Variants in PPP2R3A observed in about 807,000 individuals in gnomAD.
PPP2R3A encodes the protein serine/threonine-protein phosphatase 2A regulatory subunit B'' subunit alpha.
A neutral mutation model predicts 106.9 loss-of-function variants in PPP2R3A; 80 were observed. The observed-to-expected ratio is 0.75, with a 90% confidence interval of 0.62 to 0.90. The LOEUF is 0.90. Among genes scored for constraint, PPP2R3A ranks in the 40% least tolerant of loss-of-function variants. The pLI is 0.00. For synonymous variants in PPP2R3A, 483 were observed against 468.3 expected, an observed-to-expected ratio of 1.03 and a Z score of -0.41; for missense variants, 1,386 against 1,350.4, an observed-to-expected ratio of 1.03 and a Z score of -0.41.
intron 3 of PPP2R3A, 82 bp downstream of exon 3, chr3:136,027,180 C>T: frequency 8.1e-7 from 1 of 1,237,834 alleles, no homozygotes; most frequent in South Asian, 1.5e-5. Flanking sequence ...ACCCGGATCC[C>T]ACCCCCCTTC....
Position 135,971,806 on chromosome 3 carries a change from T to TAA in PPP2R3A, c.-441+5957_-441+5958insAA, listed in dbSNP as rs572021218. On this transcript the variant is annotated intron_variant, in intron 1 of 13. Transcript: ENST00000264977. The stretch of plus-strand genomic sequence containing the variant: ...TGTGGGAATTCCATCATCACAAATA[T>TAA]GGTTAGGTACTATGCCTGGCTGGCA... Among the ~76,000 whole-genome samples the TAA allele has an allele frequency of 2.0e-5, 3 of 152,276 alleles. No individual in the cohort carries two copies. In the South Asian group the frequency reaches 6.2e-4, roughly 32 times the overall value.
intron 5 of PPP2R3A, chr3:136,055,424 A>G (rs1935828481): frequency 1.6e-5 from 17 of 1,039,676 alleles, no homozygotes; most frequent in South Asian, 2.5e-5. Flanking sequence ...CCGAGGTGCC[A>G]TAATGCAAAT....
chr3:136,012,139 C>T (rs544501805), intron 2 of PPP2R3A, among the ~76,000 whole-genome samples: 3 of 151,970 alleles, frequency 2.0e-5, no homozygotes, highest in Admixed American at 6.6e-5. Context: ...TATTTATAGG[C>T]CAAAAATGAA....
chr3:136,145,004 C>CAT (rs567978110), intron 13 of PPP2R3A, 39 bp from the exon 14 acceptor site: 1 of 1,590,762 alleles, frequency 6.3e-7, no homozygotes, highest in African/African-American at 1.4e-5. Flanking sequence ...AAACTTTAAT[C>CAT]AATCAATCAG....
At chr3:136,064,828 C>T (rs964539459) in intron 5 of PPP2R3A, among the ~76,000 whole-genome samples, 2 of 152,118 alleles carry the variant, frequency 1.3e-5, no homozygotes, top group Admixed American at 1.3e-4. Flanking sequence ...ATACGTTCCT[C>T]ATAGATTGCC....
intron 1 of PPP2R3A, among the ~76,000 whole-genome samples, chr3:135,973,708 C>T (rs1937311408): frequency 6.6e-6 from 1 of 152,170 alleles, no homozygotes. Flanking sequence ...ATGTTTCACT[C>T]TATCAGCTTT....
rs552964585 is a variant in PPP2R3A at position 136,003,246 on chromosome 3, T to C, written c.1748T>C (p.Ile583Thr). Reference protein sequence around the residue: ...TRIIETNGHKIEEEDRALLLR... With the variant: ...TRIIETNGHKTEEEDRALLLR... ...ATTATTGAAACCAATGGACACAAAA[T>C]AGAGGAAGAGGATCGAGCCCTCTTA... The change falls in exon 2 of 14, where the codon ATA (isoleucine) becomes ACA (threonine). Residue 583 changes from isoleucine (I) to threonine (T), a missense_variant. Physicochemically the swap from Ile to Thr is moderately conservative, Grantham distance 89. Transcript: ENST00000264977. The C allele has an allele frequency of 8.7e-6, 14 of 1,613,772 alleles. No individual in the cohort carries two copies. The African/African-American group carries it at 1.3e-4, about 15-fold the overall frequency.
At chr3:135,971,150 T>C (rs539026509) in intron 1 of PPP2R3A, among the ~76,000 whole-genome samples, 1 of 152,312 alleles carries the variant, frequency 6.6e-6, no homozygotes, top group South Asian at 2.1e-4. Context: ...TAACTTGATA[T>C]TATAGCTTAA....
At position 136,030,778 on chromosome 3, in the gene PPP2R3A, A is replaced by ATATATGTATG. The variant is rs1206335696; in HGVS notation, c.2262+3683_2262+3684insATGTATGTAT. ...TTCCATCACATATATATATATATAT[A>ATATATGTATG]TATGTATGTATGTATGTATGTATGT... On this transcript the variant is annotated intron_variant, in intron 3 of 13. Coordinates refer to ENST00000264977, the MANE Select transcript of PPP2R3A (RefSeq NM_002718.5). Among the ~76,000 whole-genome samples the ATATATGTATG allele has an allele frequency of 5.5e-3, 607 of 111,268 alleles. 6 individuals are homozygous for ATATATGTATG. The highest frequency in any genetic ancestry group is 1.0e-2 in the Non-Finnish European group (510 of 51,178). The allele number at this position is 111,268 out of a possible 152,430, so 73.0% of individuals were successfully genotyped here.
intron 3 of PPP2R3A, 36 bp from the exon 4 acceptor site, chr3:136,040,823 C>T: frequency 1.3e-6 from 2 of 1,521,972 alleles, no homozygotes; most frequent in Non-Finnish European, 1.8e-6. Context: ...TCTTCATTCC[C>T]TGTTGGCTTA....
At chr3:136,138,833 T>A (rs1938736171) in intron 13 of PPP2R3A, among the ~76,000 whole-genome samples, 1 of 144,902 alleles carries the variant, frequency 6.9e-6, no homozygotes, top group Admixed American at 7.3e-5. Flanking sequence ...TGCCTCAGCC[T>A]CCCGAGTAGC....
At position 136,002,692 on chromosome 3, in the gene PPP2R3A, A is replaced by G. The variant is rs138535130; in HGVS notation, c.1194A>G (p.Leu398=). ...CTGTCCAGGTCCAATCACAGTCATT[A>G]ACCATGAATCCTTTAGAAAATGTTT... The part of the protein sequence containing the change: ...LKAVQVQSQS[L]TMNPLENVSS... Residue 398 remains leucine, a synonymous_variant, in exon 2 of 14, where the codon TTA becomes TTG. Coordinates refer to ENST00000264977, the MANE Select transcript of PPP2R3A (RefSeq NM_002718.5). 6.3e-5 allele frequency: 102 copies of G among 1,613,320 alleles called. No homozygotes were observed. The African/African-American group carries it at 1.3e-3, about 21-fold the overall frequency.
chr3:136,136,876 C>T (rs1938642722), intron 13 of PPP2R3A, among the ~76,000 whole-genome samples: 1 of 152,176 alleles, frequency 6.6e-6, no homozygotes, highest in Non-Finnish European at 1.5e-5. Context: ...TAAGTAACCT[C>T]GTAATCACTG....
At chr3:136,041,927 C>T (rs888199097) in intron 4 of PPP2R3A, among the ~76,000 whole-genome samples, 16 of 152,094 alleles carry the variant, frequency 1.1e-4, no homozygotes, top group Admixed American at 2.0e-4. Context: ...AGCTAAGTAT[C>T]ACAGCTTGCC....
At position 136,087,891 on chromosome 3, in the gene PPP2R3A, A is replaced by G; in HGVS notation, c.2797A>G (p.Ser933Gly). The G allele has an allele frequency of 3.1e-6, 5 of 1,610,270 alleles. No individual in the cohort carries two copies. Among genetic ancestry groups the G allele is most frequent in the Non-Finnish European group, 4.2e-6 (5 of 1,177,282 alleles). Residue 933 changes from serine to glycine, a missense_variant, in exon 9 of 14, where the codon AGC (serine) becomes GGC (glycine). Transcript: ENST00000264977. ...LSRYNDQASS[S>G]RIIERIFSGA... ...TTTTTATCTACATTTAGCTTCATCAAGCAGGATTATTGAAAGGATATTCTC... is the reference window on the plus strand; with the variant it reads ...TTTTTATCTACATTTAGCTTCATCAGGCAGGATTATTGAAAGGATATTCTC...
chr3:136,093,266 AGGCACAGC>A (rs916449305), intron 10 of PPP2R3A, among the ~76,000 whole-genome samples: 9 of 152,148 alleles, frequency 5.9e-5, no homozygotes, highest in Non-Finnish European at 1.3e-4. Context: ...AAATGTAACC[AGGCACAGC>A]GGCACGCGCC....
chr3:136,080,535 C>A (rs990935377), intron 7 of PPP2R3A, among the ~76,000 whole-genome samples: 3 of 152,162 alleles, frequency 2.0e-5, no homozygotes, highest in African/African-American at 7.2e-5. Flanking sequence ...AATAATAGCG[C>A]TTTGCTTCTA....
chr3:136,143,566 G>T (rs1292165964), intron 13 of PPP2R3A, among the ~76,000 whole-genome samples: 1 of 152,098 alleles, frequency 6.6e-6, no homozygotes, highest in Non-Finnish European at 1.5e-5. Context: ...GAGACAGGTG[G>T]ATCACTTGAG....
Position 136,145,261 on chromosome 3 carries a change from T to G in PPP2R3A, c.*95T>G. On this transcript the variant is annotated 3_prime_UTR_variant, in exon 14 of 14. Coordinates refer to ENST00000264977, the MANE Select transcript of PPP2R3A (RefSeq NM_002718.5). ...TTTGCATACTGCTTTTTAAAGACTT[T>G]GATTTCTCCAAGTGTGTATCATCTG... 1 of 1,416,990 alleles carries G rather than the reference T, an allele frequency of 7.1e-7. No homozygotes were observed. Among genetic ancestry groups the G allele is most frequent in the Non-Finnish European group, 9.4e-7 (1 of 1,062,418 alleles). 87.8% of individuals were successfully genotyped at this position (1,416,990 alleles called of 1,614,324 possible). A position where few individuals can be genotyped will look rare whatever the true frequency, so the allele number is the denominator to read the frequency against.
Sources: gnomAD v4.1 joint callset for allele counts (sites outside exome capture counted in the v4.1 genomes callset) on GRCh38, gnomAD v4.1.1 for gene constraint, MANE v1.5 for transcripts, NCBI Gene and HGNC (gene_info 2026-07-23, HGNC 2026-07-21) for gene names.